SYK: variants seen among roughly 807,000 people sequenced by gnomAD.
SYK encodes tyrosine-protein kinase SYK.
In SYK, 16 loss-of-function variants were observed where a neutral mutation model predicts 77.8. That is an observed-to-expected ratio of 0.21 (90% CI 0.14 to 0.31). The LOEUF (loss-of-function observed/expected upper bound fraction) is 0.31, where lower values mean the gene tolerates loss of function less well. Among genes scored for constraint, SYK ranks in the 10% least tolerant of loss-of-function variants. The probability of loss-of-function intolerance (pLI) is 1.00; values close to 1 mark genes in which losing one functional copy is unlikely to be tolerated. For missense variants in SYK, 529 were observed against 814.4 expected (o/e 0.65, Z 4.26); for synonymous variants, 312 against 308.7 (o/e 1.01, Z -0.11).
rs1564132618 is a variant in SYK at position 90,897,193 on chromosome 9, A to ATGG, written c.*1594_*1596dup. 1 of 231,148 alleles carries ATGG rather than the reference A, an allele frequency of 4.3e-6. No individual in the cohort carries two copies. Among genetic ancestry groups the ATGG allele is most frequent in the African/African-American group, 2.2e-5 (1 of 45,258 alleles). The allele number at this position is 231,148 out of a possible 1,614,324, so 14.3% of individuals were successfully genotyped here. On this transcript the variant is annotated 3_prime_UTR_variant, in exon 14 of 14. Coordinates refer to ENST00000375754, the MANE Select transcript of SYK (RefSeq NM_003177.7). Reference sequence around the variant, plus strand: ...CCTCCTCTAACAGGGGATGCAAGGCATGGAGAAAGACAATCAGTACCCAAG... The same window carrying ATGG: ...CCTCCTCTAACAGGGGATGCAAGGCATGGTGGAGAAAGACAATCAGTACCCAAG...
chr9:90,855,489 G>A (rs1224990227), intron 3 of SYK, among the ~76,000 whole-genome samples: 2 of 152,128 alleles, frequency 1.3e-5, no homozygotes, highest in Non-Finnish European at 2.9e-5. Context: ...GATTCTGGTG[G>A]ACACAACCCT....
intron 7 of SYK, among the ~76,000 whole-genome samples, chr9:90,871,661 A>G (rs1827730801): frequency 1.3e-5 from 2 of 152,144 alleles, no homozygotes; most frequent in African/African-American, 4.8e-5. Context: ...CTTTTAACTG[A>G]CTCAATAGGA....
At chr9:90,837,152 T>C (rs534453270) in intron 1 of SYK, among the ~76,000 whole-genome samples, 1 of 152,262 alleles carries the variant, frequency 6.6e-6, no homozygotes, top group South Asian at 2.1e-4. Flanking sequence ...GAATTTTTAC[T>C]ACAGGGTGGG....
At position 90,842,397 on chromosome 9, in the gene SYK, G is replaced by A. The variant is rs201223426; in HGVS notation, c.-41-1461G>A. Among the ~76,000 whole-genome samples the A allele has an allele frequency of 9.4e-3, 1,423 of 151,246 alleles. 15 individuals carry two copies. The highest frequency in any genetic ancestry group is 0.044 in the East Asian group (225 of 5,126). ...ATGTGTGTAGTGCGCATGTAGTCAT[G>A]TGGTGTGTTTCATGTGTGTTTTGTG... On this transcript the variant is annotated intron_variant, in intron 1 of 13. Coordinates refer to ENST00000375754, the MANE Select transcript of SYK (RefSeq NM_003177.7).
At chr9:90,879,077 T>C in intron 11 of SYK, 124 bp downstream of exon 11, 2 of 633,690 alleles carry the variant, frequency 3.2e-6, no homozygotes, top group Admixed American at 2.9e-5. Context: ...AAAATAACTA[T>C]GTAAGATATG....
intron 1 of SYK, among the ~76,000 whole-genome samples, chr9:90,822,008 G>A (rs1369486021): frequency 6.6e-6 from 1 of 152,142 alleles, no homozygotes; most frequent in Admixed American, 6.5e-5. Context: ...AACAAGTGAT[G>A]CATTGATCAG....
At position 90,877,701 on chromosome 9, in the gene SYK, A is replaced by C. The variant is rs764211267; in HGVS notation, c.1312A>C (p.Ile438Leu). Residue 438 changes from isoleucine to leucine, a missense_variant, in exon 10 of 14, where the codon ATA becomes CTA. By Grantham distance (5) the Ile-to-Leu change is conservative. Coordinates refer to ENST00000375754, the MANE Select transcript of SYK (RefSeq NM_003177.7). ...CCCGTACATCGTGCGGATGATCGGG[A>C]TATGCGAGGCCGAGTCCTGGATGCT... ...DNPYIVRMIG[I>L]CEAESWMLVM... 5.6e-6 allele frequency: 9 copies of C among 1,614,240 alleles called. 1 individual carries two copies. In the South Asian group the frequency reaches 7.7e-5, roughly 14 times the overall value.
At chr9:90,891,274 T>C (rs1164958136) in intron 13 of SYK, among the ~76,000 whole-genome samples, 2 of 151,224 alleles carry the variant, frequency 1.3e-5, no homozygotes, top group East Asian at 4.0e-4. Flanking sequence ...GCCTCCCGAG[T>C]AGCTGGGACT....
intron 3 of SYK, among the ~76,000 whole-genome samples, chr9:90,851,845 T>C (rs976210591): frequency 6.6e-6 from 1 of 152,198 alleles, no homozygotes; most frequent in Non-Finnish European, 1.5e-5. Flanking sequence ...GCATATACAA[T>C]TTGAAGACTC....
At chr9:90,890,066 G>A (rs1411566839) in intron 13 of SYK, among the ~76,000 whole-genome samples, 2 of 152,160 alleles carry the variant, frequency 1.3e-5, no homozygotes, top group Non-Finnish European at 2.9e-5. Flanking sequence ...AAATGAACTC[G>A]CAGTGGGGGA....
At chr9:90,829,088 A>T (rs1825784677) in intron 1 of SYK, among the ~76,000 whole-genome samples, 1 of 152,138 alleles carries the variant, frequency 6.6e-6, no homozygotes, top group Admixed American at 6.5e-5. Context: ...CAGGAGTTTG[A>T]CACCAGCCTG....
At chr9:90,814,831 C>T (rs79645217) in intron 1 of SYK, among the ~76,000 whole-genome samples, 2,028 of 85,260 alleles carry the variant, frequency 0.024, 48 homozygotes, top group African/African-American at 0.08. Context: ...ACACAACACA[C>T]GTGCACACAC....
intron 1 of SYK, among the ~76,000 whole-genome samples, chr9:90,819,289 A>T (rs1204704498): frequency 1.3e-5 from 2 of 152,188 alleles, no homozygotes; most frequent in Admixed American, 1.3e-4. Context: ...GAATTTGCCT[A>T]CTCACAATCA....
intron 13 of SYK, among the ~76,000 whole-genome samples, chr9:90,892,297 A>T (rs1340338143): frequency 6.6e-6 from 1 of 152,176 alleles, no homozygotes; most frequent in South Asian, 2.1e-4. Context: ...TGTGTTAAAT[A>T]TGTTTACTCA....
At chr9:90,854,595 G>A (rs924088987) in intron 3 of SYK, among the ~76,000 whole-genome samples, 1 of 152,106 alleles carries the variant, frequency 6.6e-6, no homozygotes, top group African/African-American at 2.4e-5. Context: ...TAATACATTA[G>A]TTAAAACGAT....
chr9:90,806,741 G>A (rs1229149410), intron 1 of SYK, among the ~76,000 whole-genome samples: 1 of 152,142 alleles, frequency 6.6e-6, no homozygotes, highest in Non-Finnish European at 1.5e-5. Context: ...GAACTTTTAT[G>A]ATTTCTTCCA....
At chr9:90,847,137 A>G (rs2035073) in intron 3 of SYK, among the ~76,000 whole-genome samples, 45,502 of 152,194 alleles carry the variant, frequency 0.3, 7,016 homozygotes, top group South Asian at 0.39. Flanking sequence ...TATAAACCCC[A>G]TGCAGAAGGC....
chr9:90,839,056 G>C (rs907331286), intron 1 of SYK, among the ~76,000 whole-genome samples: 1 of 152,218 alleles, frequency 6.6e-6, no homozygotes, highest in African/African-American at 2.4e-5. Flanking sequence ...GTGGAGCTGA[G>C]AACAGCAGCC....
intron 13 of SYK, among the ~76,000 whole-genome samples, chr9:90,893,601 C>A (rs1315838819): frequency 6.6e-6 from 1 of 152,156 alleles, no homozygotes; most frequent in Non-Finnish European, 1.5e-5. Flanking sequence ...TTCAGCCCAA[C>A]AATCAGGAAA....
Sources: allele counts gnomAD v4.1 joint callset (sites outside exome capture counted in the v4.1 genomes callset), GRCh38; gene constraint gnomAD v4.1.1; transcripts MANE v1.5; gene names NCBI Gene and HGNC (gene_info 2026-07-23, HGNC 2026-07-21).